FECH: variants seen among roughly 807,000 people sequenced by gnomAD.
FECH encodes ferrochelatase.
Under a neutral mutation model 56.9 loss-of-function variants are expected in FECH, and 40 were observed. The observed-to-expected ratio is 0.70, with a 90% CI of 0.55 to 0.92. The LOEUF is 0.92. FECH is among the 40% of genes least tolerant of loss of function. FECH has a pLI of 0.00. For synonymous variants in FECH, 175 were observed against 198.6 expected, an observed-to-expected ratio of 0.88 and a Z score of 1.00; for missense variants, 431 against 529.1, an observed-to-expected ratio of 0.81 and a Z score of 1.82.
In FECH at chr18:57,547,020, T is replaced by C. The variant is rs2050729640; in HGVS notation, c.*3692A>G. 6.6e-6 allele frequency among the ~76,000 whole-genome samples: 1 copy of C among 151,092 alleles called. No individual in the cohort carries two copies. The highest frequency in any genetic ancestry group is 2.4e-5 in the African/African-American group (1 of 41,038). On this transcript the variant is annotated 3_prime_UTR_variant, in exon 11 of 11. Transcript: ENST00000262093. ...CGGGTTTCAGACTTGCACAGTGGAG[T>C]GCAGTGGTGCATGGGGCCTGTAGCC...
At chr18:57,555,950 G>A (rs756260538) in intron 7 of FECH, among the ~76,000 whole-genome samples, 24 of 152,202 alleles carry the variant, frequency 1.6e-4, no homozygotes, top group Admixed American at 1.0e-3. Flanking sequence ...CCAACATGGT[G>A]AAACCCTGTC....
chr18:57,567,112 C>G (rs975194792), intron 4 of FECH, among the ~76,000 whole-genome samples: 5 of 152,034 alleles, frequency 3.3e-5, no homozygotes, highest in African/African-American at 1.2e-4. Context: ...TCCTCCCAGG[C>G]CCCCCACCTC....
Position 57,544,959 on chromosome 18 carries a change from T to TC in FECH, c.*5752dup, listed in dbSNP as rs1159382523. On this transcript the variant is annotated 3_prime_UTR_variant, in exon 11 of 11. Coordinates refer to ENST00000262093, the MANE Select transcript of FECH (RefSeq NM_000140.5). ...GCCAACATGCCATGTGCCTGTGCAA[T>TC]CAATTCCATGCCATATATACACTTT... Among the ~76,000 whole-genome samples, 2 of 152,236 alleles carry TC rather than the reference T, an allele frequency of 1.3e-5. No homozygotes were observed. The highest frequency in any genetic ancestry group is 2.9e-5 in the Non-Finnish European group (2 of 68,042).
At chr18:57,555,355 C>T (rs1474503519) in intron 7 of FECH, among the ~76,000 whole-genome samples, 2 of 152,196 alleles carry the variant, frequency 1.3e-5, no homozygotes, top group Non-Finnish European at 2.9e-5. Context: ...TGAAACAGTG[C>T]TGCATGGACA....
At chr18:57,563,300 G>A (rs138890459) in intron 5 of FECH, among the ~76,000 whole-genome samples, 241 of 152,118 alleles carry the variant, frequency 1.6e-3, no homozygotes, top group South Asian at 4.2e-3. Context: ...AAAGTATGTC[G>A]GCCAGGCACG....
chr18:57,586,501 C>A, intron 1 of FECH, 53 bp downstream of exon 1: 2 of 1,509,984 alleles, frequency 1.3e-6, no homozygotes, highest in Non-Finnish European at 1.8e-6. Context: ...CCGCTCTGCC[C>A]ACGCCTTCTC....
At chr18:57,581,619 C>T (rs2051278724) in intron 1 of FECH, among the ~76,000 whole-genome samples, 1 of 152,368 alleles carries the variant, frequency 6.6e-6, no homozygotes, top group Middle Eastern at 3.4e-3. Flanking sequence ...CTGCCACTTA[C>T]TAGCAATGTG....
chr18:57,551,893 T>TC (rs1349041039), intron 9 of FECH, among the ~76,000 whole-genome samples: 4 of 151,490 alleles, frequency 2.6e-5, no homozygotes, highest in Admixed American at 6.6e-5. Flanking sequence ...TTTTCTTTTT[T>TC]TTTTTTTTGA....
chr18:57,586,228 C>T (rs768686370), intron 1 of FECH, among the ~76,000 whole-genome samples: 4 of 152,214 alleles, frequency 2.6e-5, no homozygotes, highest in African/African-American at 7.2e-5. Context: ...CCTTCCCTCG[C>T]GTAATCTTCT....
intron 7 of FECH, among the ~76,000 whole-genome samples, chr18:57,555,407 T>C (rs143468701): frequency 4.3e-4 from 66 of 152,224 alleles, no homozygotes; most frequent in Middle Eastern, 3.4e-3. Context: ...CTGGTGGAAT[T>C]AGAGGAGGAA....
At chr18:57,576,233 C>G (rs1414610869) in intron 2 of FECH, among the ~76,000 whole-genome samples, 1 of 152,196 alleles carries the variant, frequency 6.6e-6, no homozygotes, top group Non-Finnish European at 1.5e-5. Flanking sequence ...TTGAGAATCA[C>G]TGTCTTAGAG....
chr18:57,577,324 G>A (rs1027957609), intron 2 of FECH, among the ~76,000 whole-genome samples: 2 of 112,574 alleles, frequency 1.8e-5, no homozygotes, highest in Non-Finnish European at 4.3e-5. Context: ...ATCTATGGCT[G>A]CTCTCACACT....
At chr18:57,555,867 G>A (rs921654284) in intron 7 of FECH, among the ~76,000 whole-genome samples, 19 of 152,330 alleles carry the variant, frequency 1.2e-4, no homozygotes, top group Admixed American at 3.9e-4. Flanking sequence ...AGTGGCTCAC[G>A]CCTGTAATCC....
Position 57,562,989 on chromosome 18 carries a change from TAC to T in FECH, c.599-11_599-10del. The T allele has an allele frequency of 6.2e-7, 1 of 1,605,724 alleles. No individual in the cohort carries two copies. The highest frequency in any genetic ancestry group is 8.5e-7 in the Non-Finnish European group (1 of 1,172,482). On this transcript the variant is annotated splice_polypyrimidine_tract_variant and intron_variant, in intron 5 of 10. Transcript: ENST00000262093. Reference sequence around the variant, plus strand: ...GGCATTTAAGCTGCTGCCTGAAATATACAGAGACCACTTAGTAGATGCATTTT... The same window carrying T: ...GGCATTTAAGCTGCTGCCTGAAATATAGAGACCACTTAGTAGATGCATTTT...
chr18:57,565,641 A>T (rs916729668), intron 5 of FECH, among the ~76,000 whole-genome samples: 3 of 152,192 alleles, frequency 2.0e-5, no homozygotes, highest in Non-Finnish European at 4.4e-5. Context: ...AGGCATTTTA[A>T]TGGGTTCTCT....
chr18:57,580,879 G>C (rs547516813), intron 1 of FECH, among the ~76,000 whole-genome samples: 5 of 152,340 alleles, frequency 3.3e-5, no homozygotes, highest in African/African-American at 9.6e-5. Flanking sequence ...CCCAGGGTCT[G>C]TGCAGGCATT....
intron 5 of FECH, 62 bp from the exon 6 acceptor site, chr18:57,563,042 C>G: frequency 7.5e-7 from 1 of 1,330,532 alleles, no homozygotes; most frequent in Non-Finnish European, 1.1e-6. Context: ...AAAAAACAGA[C>G]TCGTAAAGGT....
chr18:57,551,895 T>G (rs1232618784), intron 9 of FECH, among the ~76,000 whole-genome samples: 1 of 151,556 alleles, frequency 6.6e-6, no homozygotes, highest in Non-Finnish European at 1.5e-5. Flanking sequence ...TTCTTTTTTT[T>G]TTTTTTGAGA....
At chr18:57,565,811 T>C (rs1020634216) in intron 5 of FECH, among the ~76,000 whole-genome samples, 3 of 152,206 alleles carry the variant, frequency 2.0e-5, no homozygotes, top group African/African-American at 7.2e-5. Context: ...CAAATGTGTC[T>C]GTGGGTGACA....
Sources: gnomAD v4.1 joint callset for allele counts (sites outside exome capture counted in the v4.1 genomes callset) on GRCh38, gnomAD v4.1.1 for gene constraint, MANE v1.5 for transcripts, NCBI Gene and HGNC (gene_info 2026-07-23, HGNC 2026-07-21) for gene names.